The following MEI4 variants were observed in gnomAD, a reference collection of about 807,000 sequenced individuals.
The protein encoded by MEI4 is meiosis-specific protein MEI4.
A neutral mutation model predicts 31.4 loss-of-function variants in MEI4; 27 were observed. The observed-to-expected ratio is 0.86, with a 90% confidence interval of 0.63 to 1.19. The LOEUF (loss-of-function observed/expected upper bound fraction) is 1.19, where lower values mean the gene tolerates loss of function less well. Among genes scored for constraint, MEI4 ranks in the 50% most tolerant of loss-of-function variants. MEI4 has a pLI of 0.00. For synonymous variants in MEI4, 122 were observed against 145.4 expected, an observed-to-expected ratio of 0.84 and a Z score of 1.16; for missense variants, 329 against 398.9, an observed-to-expected ratio of 0.82 and a Z score of 1.49.
At chr6:77,732,481 A>G (rs1264289444) in intron 2 of MEI4, among the ~76,000 whole-genome samples, 1 of 152,100 alleles carries the variant, frequency 6.6e-6, no homozygotes, top group Non-Finnish European at 1.5e-5. Flanking sequence ...TTGATCTTGT[A>G]TCCTGAGACT....
At chr6:77,697,214 C>T (rs1348588069) in intron 2 of MEI4, among the ~76,000 whole-genome samples, 1 of 152,114 alleles carries the variant, frequency 6.6e-6, no homozygotes, top group Non-Finnish European at 1.5e-5. Flanking sequence ...TTTCAAAAAA[C>T]CAGCTCCTGG....
intron 2 of MEI4, among the ~76,000 whole-genome samples, chr6:77,727,137 T>A (rs12192983): frequency 0.28 from 42,761 of 152,006 alleles, 6,792 homozygotes; most frequent in South Asian, 0.39. Flanking sequence ...GAGTGGTGAT[T>A]CTGGACCCTC....
chr6:77,916,730 T>A (rs1202732923), intron 4 of MEI4, among the ~76,000 whole-genome samples: 13 of 151,458 alleles, frequency 8.6e-5, no homozygotes, highest in African/African-American at 2.9e-4. Context: ...TGAGATTGCA[T>A]CAATTCAGTC....
chr6:77,744,640 G>T (rs1767529729), intron 2 of MEI4, among the ~76,000 whole-genome samples: 1 of 152,160 alleles, frequency 6.6e-6, no homozygotes, highest in South Asian at 2.1e-4. Flanking sequence ...TACTCCTGGA[G>T]AAGAGCAACT....
At chr6:77,807,146 A>G (rs1378182723) in intron 3 of MEI4, among the ~76,000 whole-genome samples, 1 of 107,330 alleles carries the variant, frequency 9.3e-6, no homozygotes, top group Admixed American at 9.7e-5. Context: ...GTGCTTCATA[A>G]GTTTTTTTTT....
chr6:77,822,722 C>G (rs1040612310), intron 3 of MEI4, among the ~76,000 whole-genome samples: 4 of 149,100 alleles, frequency 2.7e-5, no homozygotes, highest in African/African-American at 9.8e-5. Context: ...TGGGTTCAAG[C>G]TATTCTCCTG....
At chr6:77,823,006 A>G (rs1190166539) in intron 3 of MEI4, among the ~76,000 whole-genome samples, 1 of 152,170 alleles carries the variant, frequency 6.6e-6, no homozygotes, top group African/African-American at 2.4e-5. Flanking sequence ...TCACTGGCAC[A>G]TAGATGACAT....
At chr6:77,778,706 C>CAAATAAATAAAT (rs71546067) in intron 3 of MEI4, among the ~76,000 whole-genome samples, 23 of 145,780 alleles carry the variant, frequency 1.6e-4, no homozygotes, top group African/African-American at 3.1e-4. Context: ...GACCCTGTCT[C>CAAATAAATAAAT]AAATAAATAA....
intron 4 of MEI4, among the ~76,000 whole-genome samples, chr6:77,836,791 C>G (rs1194630016): frequency 6.6e-6 from 1 of 152,014 alleles, no homozygotes; most frequent in Non-Finnish European, 1.5e-5. Flanking sequence ...ATCTACGAAG[C>G]CTGGCTCAGT....
chr6:77,690,710 G>A lies in MEI4; in HGVS notation c.39G>A (p.Leu13=). Residue 13 remains leucine, a synonymous_variant, in exon 2 of 5, where the codon CTG becomes CTA. Transcript: ENST00000684080. ...VQKWYLRTSK[L]ALALAIIRSK... ...AATGGTATTTGAGAACTTCAAAGCT[G>A]GCTCTGGCCTTGGCAATTATCCGCT... The A allele has an allele frequency of 8.1e-7, 1 of 1,231,422 alleles. No individual in the cohort carries two copies. The highest frequency in any genetic ancestry group is 1.0e-6 in the Non-Finnish European group (1 of 987,382). The allele number at this position is 1,231,422 out of a possible 1,614,324, so 76.3% of individuals were successfully genotyped here.
rs1766768509 is a variant in MEI4, at chr6:77,923,684, A to ATAAT, written c.*340_*343dup. 6.2e-6 allele frequency: 1 copy of ATAAT among 160,656 alleles called. No homozygotes were observed. Among genetic ancestry groups the ATAAT allele is most frequent in the African/African-American group, 2.4e-5 (1 of 41,380 alleles). 10.0% of individuals were successfully genotyped at this position (160,656 alleles called of 1,614,324 possible). ...TATTGAAGTTGTAAAAGATTTCCAT[A>ATAAT]TAATTGATGCTAAATGGTAATCAAA... On this transcript the variant is annotated 3_prime_UTR_variant, in exon 5 of 5. Transcript: ENST00000684080.
chr6:77,695,460 C>T (rs573602652), intron 2 of MEI4, among the ~76,000 whole-genome samples: 1 of 152,130 alleles, frequency 6.6e-6, no homozygotes, highest in Non-Finnish European at 1.5e-5. Context: ...AGGAAGGGAT[C>T]CAGTTTCAGC....
At chr6:77,697,791 T>G (rs1484602884) in intron 2 of MEI4, among the ~76,000 whole-genome samples, 3 of 152,206 alleles carry the variant, frequency 2.0e-5, no homozygotes, top group African/African-American at 7.2e-5. Context: ...GTCCGCTTGA[T>G]ACAGAGCTGA....
chr6:77,668,566 TCTAA>T (rs941505216), intron 1 of MEI4, among the ~76,000 whole-genome samples: 3 of 152,206 alleles, frequency 2.0e-5, no homozygotes, highest in African/African-American at 7.2e-5. Context: ...ATTATCTGTG[TCTAA>T]CTATGCTAAT....
intron 3 of MEI4, among the ~76,000 whole-genome samples, chr6:77,791,037 T>G (rs946179469): frequency 2.6e-5 from 4 of 151,942 alleles, no homozygotes; most frequent in African/African-American, 4.8e-5. Flanking sequence ...AAACAACAGG[T>G]GCTGGAGAGG....
chr6:77,694,071 A>G (rs1480223257), intron 2 of MEI4, among the ~76,000 whole-genome samples: 1 of 152,010 alleles, frequency 6.6e-6, no homozygotes, highest in Non-Finnish European at 1.5e-5. Flanking sequence ...AGAAAGTATG[A>G]TATGCTTTTT....
intron 2 of MEI4, among the ~76,000 whole-genome samples, chr6:77,747,770 CT>C (rs1767653750): frequency 6.6e-6 from 1 of 152,176 alleles, no homozygotes; most frequent in Non-Finnish European, 1.5e-5. Context: ...TTTAGCATTA[CT>C]AAAAAATTCA....
chr6:77,750,986 T>C (rs1173555247), intron 2 of MEI4, among the ~76,000 whole-genome samples: 2 of 152,148 alleles, frequency 1.3e-5, no homozygotes, highest in African/African-American at 2.4e-5. Context: ...CACGACTGCA[T>C]GGAAACTGAA....
intron 3 of MEI4, among the ~76,000 whole-genome samples, chr6:77,790,444 A>G (rs1048481708): frequency 5.3e-5 from 8 of 151,902 alleles, no homozygotes; most frequent in African/African-American, 1.9e-4. Flanking sequence ...AAGAAAAATT[A>G]CCTATTGGGT....
Sources: allele counts gnomAD v4.1 joint callset (sites outside exome capture counted in the v4.1 genomes callset), GRCh38; gene constraint gnomAD v4.1.1; transcripts MANE v1.5; gene names NCBI Gene and HGNC (gene_info 2026-07-23, HGNC 2026-07-21).